ANKRD55: variants seen among roughly 807,000 people sequenced by gnomAD.
ANKRD55 encodes ankyrin repeat domain-containing protein 55.
In ANKRD55, 41 loss-of-function variants were observed where a neutral mutation model predicts 60.6. The observed-to-expected ratio is 0.68, with a 90% CI of 0.53 to 0.88. ANKRD55 has a LOEUF of 0.88. Ranked by LOEUF, ANKRD55 falls within the 40% of genes least tolerant of loss-of-function variation. ANKRD55 has a pLI of 0.00. For missense variants in ANKRD55, 732 were observed against 767.6 expected (o/e 0.95, Z 0.55); for synonymous variants, 264 against 290.3 (o/e 0.91, Z 0.92).
At chr5:56,106,150 C>T (rs542965455) in intron 10 of ANKRD55, among the ~76,000 whole-genome samples, 110 of 152,284 alleles carry the variant, frequency 7.2e-4, no homozygotes, top group African/African-American at 2.5e-3. Flanking sequence ...ATTTTAACAG[C>T]AGCACTACTA....
intron 8 of ANKRD55, among the ~76,000 whole-genome samples, chr5:56,126,479 C>G (rs1411668064): frequency 6.6e-6 from 1 of 152,120 alleles, no homozygotes; most frequent in African/African-American, 2.4e-5. Context: ...CAACAACAAC[C>G]TGATACAGTT....
chr5:56,135,246 CCTTCCTTCCTTCCTTCTT>C lies in ANKRD55; in HGVS notation c.613-8158_613-8141del, dbSNP rs1561263691. 4.5e-4 allele frequency among the ~76,000 whole-genome samples: 62 copies of C among 138,008 alleles called. 1 individual carries two copies. Among genetic ancestry groups the C allele is most frequent in the South Asian group, 3.8e-3 (15 of 3,990 alleles). 90.5% of individuals were successfully genotyped at this position (138,008 alleles called of 152,430 possible). ...TCCTTCCTTCCTTCCTTCCTTCCTT[CCTTCCTTCCTTCCTTCTT>C]TCCCTCCCTCCCTCCCTGCCTGCCT... On this transcript the variant is annotated intron_variant, in intron 7 of 11. Transcript: ENST00000341048.
At chr5:56,178,764 A>G (rs1164495571) in intron 3 of ANKRD55, among the ~76,000 whole-genome samples, 1 of 131,970 alleles carries the variant, frequency 7.6e-6, no homozygotes, top group Non-Finnish European at 1.5e-5. Flanking sequence ...AAGACTCAAT[A>G]TAATAGAGCT....
intron 5 of ANKRD55, chr5:56,162,138 G>T (rs752526955): frequency 4.2e-4 from 241 of 570,974 alleles, no homozygotes; most frequent in Non-Finnish European, 5.0e-4. Flanking sequence ...GTTATCCTTG[G>T]TTACTCCTGA....
intron 7 of ANKRD55, among the ~76,000 whole-genome samples, chr5:56,129,159 G>C (rs1757347242): frequency 6.6e-6 from 1 of 152,190 alleles, no homozygotes; most frequent in East Asian, 1.9e-4. Flanking sequence ...CTGTGTGTCA[G>C]CCAAAAATAT....
In ANKRD55 at chr5:56,130,455, G is replaced by A. The variant is rs146260210; in HGVS notation, c.613-3349C>T. ...GGAATATTCACATTCCAGAGGCATA[G>A]GTTCACTAAAAGACAGGGACCAAAT... On this transcript the variant is annotated intron_variant, in intron 7 of 11. Coordinates refer to ENST00000341048, the MANE Select transcript of ANKRD55 (RefSeq NM_024669.3). 3.2e-3 allele frequency among the ~76,000 whole-genome samples: 494 copies of A among 152,282 alleles called. 1 individual carries two copies. The highest frequency in any genetic ancestry group is 9.1e-3 in the African/African-American group (379 of 41,556).
intron 2 of ANKRD55, chr5:56,193,389 T>A: frequency 1.5e-6 from 1 of 659,734 alleles, no homozygotes; most frequent in Non-Finnish European, 2.7e-6. Flanking sequence ...GTTATCTACC[T>A]AGAACCTTTT....
chr5:56,126,880 G>A, intron 8 of ANKRD55, 42 bp downstream of exon 8: 2 of 1,562,454 alleles, frequency 1.3e-6, no homozygotes, highest in South Asian at 1.2e-5. Flanking sequence ...CAGTTAGGGG[G>A]AAATGACTAG....
intron 3 of ANKRD55, among the ~76,000 whole-genome samples, chr5:56,178,498 A>C (rs1362746831): frequency 6.6e-6 from 1 of 151,620 alleles, no homozygotes; most frequent in Non-Finnish European, 1.5e-5. Context: ...GAAAAAAAAA[A>C]ACCCTCAAAA....
In ANKRD55 at chr5:56,176,384, A is replaced by G. The variant is rs1217614914; in HGVS notation, c.182-102T>C. ...ATTTATTTTGCTATTTGCAATACAA[A>G]CCCAGCTGTTTGTATGGGACTGAAG... On this transcript the variant is annotated intron_variant, in intron 3 of 11. Coordinates refer to ENST00000341048, the MANE Select transcript of ANKRD55 (RefSeq NM_024669.3). 3 of 1,375,124 alleles carry G rather than the reference A, an allele frequency of 2.2e-6. No homozygotes were observed. The African/African-American group carries it at 4.3e-5, about 20-fold the overall frequency. 85.2% of individuals were successfully genotyped at this position (1,375,124 alleles called of 1,614,324 possible).
chr5:56,151,827 C>CTATA (rs59813170), intron 6 of ANKRD55, among the ~76,000 whole-genome samples: 6,337 of 144,394 alleles, frequency 0.044, 200 homozygotes, highest in East Asian at 0.076. Context: ...AAAAAAAAAT[C>CTATA]TATATATATA....
rs930498958 is a variant in ANKRD55, at chr5:56,225,105, C to T, written c.58+7751G>A. On this transcript the variant is annotated intron_variant, in intron 2 of 11. Transcript: ENST00000341048. The stretch of plus-strand genomic sequence containing the variant: ...CTCAATAAAATACTGGCAAACCGAA[C>T]CCAGCAGCACATCAAAAAGCTTATC... Among the ~76,000 whole-genome samples, 9 of 152,032 alleles carry T rather than the reference C, an allele frequency of 5.9e-5. No homozygotes were observed. In the South Asian group the frequency reaches 1.4e-3, roughly 24 times the overall value.
intron 2 of ANKRD55, chr5:56,192,750 A>G: frequency 1.6e-6 from 2 of 1,275,964 alleles, no homozygotes; most frequent in Non-Finnish European, 2.2e-6. Flanking sequence ...TTCAATGCAG[A>G]TTCTAGCCAA....
intron 7 of ANKRD55, chr5:56,137,672 T>C: frequency 2.1e-6 from 1 of 484,146 alleles, no homozygotes; most frequent in Non-Finnish European, 3.7e-6. Flanking sequence ...AAGAAAAAAT[T>C]GATAACCTAG....
At chr5:56,198,305 T>C (rs187471279) in intron 2 of ANKRD55, among the ~76,000 whole-genome samples, 2 of 152,128 alleles carry the variant, frequency 1.3e-5, no homozygotes, top group Admixed American at 1.3e-4. Context: ...TACTGTTTTT[T>C]TTTCTTTTTT....
At chr5:56,141,747 G>A (rs1191122866) in intron 7 of ANKRD55, among the ~76,000 whole-genome samples, 3 of 152,180 alleles carry the variant, frequency 2.0e-5, no homozygotes, top group African/African-American at 7.2e-5. Context: ...AAAAAAAAGA[G>A]AAAGAATATG....
At chr5:56,152,140 G>T in intron 6 of ANKRD55, among the ~76,000 whole-genome samples, 1 of 23,130 alleles carries the variant, frequency 4.3e-5, no homozygotes, top group Non-Finnish European at 1.1e-4. Flanking sequence ...TTAGATGTTC[G>T]GTCTTAGGCT....
chr5:56,113,986 C>CTATATATATATATA (rs3055156), intron 9 of ANKRD55, among the ~76,000 whole-genome samples: 29 of 139,148 alleles, frequency 2.1e-4, no homozygotes, highest in South Asian at 1.2e-3. Flanking sequence ...AATATGTATA[C>CTATATATATATATA]TATATATATA....
intron 2 of ANKRD55, among the ~76,000 whole-genome samples, chr5:56,231,463 G>A (rs2111904569): frequency 1.3e-5 from 2 of 152,196 alleles, no homozygotes; most frequent in South Asian, 4.1e-4. Flanking sequence ...TATGTTTCGT[G>A]GCTTAGCAAC....
Sources: allele counts gnomAD v4.1 joint callset (sites outside exome capture counted in the v4.1 genomes callset), GRCh38; gene constraint gnomAD v4.1.1; transcripts MANE v1.5; gene names NCBI Gene and HGNC (gene_info 2026-07-23, HGNC 2026-07-21).